Variants in FAXC observed in about 807,000 individuals in gnomAD.
FAXC encodes failed axon connections homolog, metaxin like GST domain containing.
FAXC carries 10 observed loss-of-function variants against 41.9 expected under a neutral mutation model. The observed-to-expected ratio is 0.24, with a 90% CI of 0.15 to 0.41. The LOEUF is 0.41. Among genes scored for constraint, FAXC ranks in the 10% least tolerant of loss-of-function variants. FAXC has a pLI of 1.00. For missense variants in FAXC, 399 were observed against 510.9 expected, an observed-to-expected ratio of 0.78 and a Z score of 2.11; for synonymous variants, 183 against 183.8, an observed-to-expected ratio of 1.00 and a Z score of 0.03.
chr6:99,293,017 T>A (rs1315558273), intron 4 of FAXC, among the ~76,000 whole-genome samples: 4 of 152,082 alleles, frequency 2.6e-5, no homozygotes, highest in Non-Finnish European at 4.4e-5. Context: ...ATGTTGGCCA[T>A]GCTGATCTTG....
At chr6:99,283,982 G>GAAGA (rs1770924255) in intron 5 of FAXC, 1 of 152,166 alleles carries the variant, frequency 6.6e-6, no homozygotes, top group Non-Finnish European at 1.5e-5. Flanking sequence ...CAGAAGAGGT[G>GAAGA]TCTGCTCTGT....
chr6:99,336,649 G>C (rs1222709443), intron 2 of FAXC, among the ~76,000 whole-genome samples: 1 of 152,196 alleles, frequency 6.6e-6, no homozygotes, highest in African/African-American at 2.4e-5. Context: ...ATAGGCTTTG[G>C]ATTTCAAAAT....
intron 2 of FAXC, among the ~76,000 whole-genome samples, chr6:99,334,268 A>C (rs1341129232): frequency 2.6e-5 from 4 of 152,222 alleles, no homozygotes. Flanking sequence ...TATTCTAAAG[A>C]ATAAAAGTAG....
chr6:99,321,465 A>G (rs1287880556), intron 4 of FAXC, among the ~76,000 whole-genome samples: 2 of 152,216 alleles, frequency 1.3e-5, no homozygotes, highest in African/African-American at 4.8e-5. Context: ...AAGACAAATT[A>G]TGATATTCAG....
chr6:99,326,962 G>A (rs1772834122), intron 3 of FAXC, among the ~76,000 whole-genome samples: 2 of 152,186 alleles, frequency 1.3e-5, no homozygotes, highest in African/African-American at 4.8e-5. Context: ...GCAGGGAGGA[G>A]TCTCTGCCAG....
rs780527902 is a variant in FAXC, at chr6:99,289,687, ATATGTG to A, written c.940+2011_940+2016del. 3.8e-3 allele frequency among the ~76,000 whole-genome samples: 264 copies of A among 70,016 alleles called. 1 individual carries two copies. The highest frequency in any genetic ancestry group is 0.021 in the African/African-American group (247 of 11,704). The allele number at this position is 70,016 out of a possible 152,430, so 45.9% of individuals were successfully genotyped here. ...TATGTATATGTAAATGTACATATGT[ATATGTG>A]TGTGTGTGTGTGTGTGTGTGTGTGT... On this transcript the variant is annotated intron_variant, in intron 5 of 5. Transcript: ENST00000389677.
intron 2 of FAXC, among the ~76,000 whole-genome samples, chr6:99,337,949 G>A (rs956407583): frequency 2.6e-5 from 4 of 152,122 alleles, no homozygotes; most frequent in South Asian, 4.1e-4. Flanking sequence ...GGCAAAAGAA[G>A]GGGCAAAGGG....
chr6:99,322,733 G>T (rs889859253), intron 4 of FAXC, among the ~76,000 whole-genome samples: 1 of 152,184 alleles, frequency 6.6e-6, no homozygotes, highest in Non-Finnish European at 1.5e-5. Flanking sequence ...GCTCTGCCCA[G>T]TAAAGAACCA....
chr6:99,282,060 T>TGAAATGAA (rs1182243766), intron 5 of FAXC, among the ~76,000 whole-genome samples: 1 of 152,168 alleles, frequency 6.6e-6, no homozygotes, highest in African/African-American at 2.4e-5. Flanking sequence ...GTGTGCTGAA[T>TGAAATGAA]GAAATGAAGA....
intron 2 of FAXC, among the ~76,000 whole-genome samples, chr6:99,337,978 T>C (rs926963039): frequency 6.6e-6 from 1 of 152,116 alleles, no homozygotes; most frequent in Non-Finnish European, 1.5e-5. Context: ...CCTGGGTCCA[T>C]GACAAAATAT....
At chr6:99,322,411 T>C (rs548374074) in intron 4 of FAXC, among the ~76,000 whole-genome samples, 1 of 152,274 alleles carries the variant, frequency 6.6e-6, no homozygotes, top group Admixed American at 6.5e-5. Flanking sequence ...GGCTTCCAGT[T>C]CCTAAGGCAC....
intron 4 of FAXC, among the ~76,000 whole-genome samples, chr6:99,300,898 A>G (rs540552260): frequency 9.2e-5 from 14 of 152,376 alleles, no homozygotes; most frequent in African/African-American, 2.9e-4. Context: ...ATCTTTTGAG[A>G]AAGCTGAATA....
chr6:99,271,556 T>C lies in FAXC; in HGVS notation c.*9608A>G, dbSNP rs1282948806. On this transcript the variant is annotated 3_prime_UTR_variant, in exon 6 of 6. Transcript: ENST00000389677. ...CATGACACTCAAAGGAAACGGACAT[T>C]GGATCATTTCAGATTTCCAGTTTTG... 1 of 152,196 alleles carries C rather than the reference T, an allele frequency of 6.6e-6. No homozygotes were observed. The highest frequency in any genetic ancestry group is 2.4e-5 in the African/African-American group (1 of 41,446). The allele number at this position is 152,196 out of a possible 1,614,324, so 9.4% of individuals were successfully genotyped here.
intron 4 of FAXC, among the ~76,000 whole-genome samples, chr6:99,320,006 T>C (rs980737671): frequency 3.9e-5 from 6 of 152,226 alleles, no homozygotes; most frequent in African/African-American, 1.4e-4. Context: ...ATTTCTTTCA[T>C]GTTGTACAAC....
At position 99,281,297 on chromosome 6, in the gene FAXC, C is replaced by T. The variant is rs748190926; in HGVS notation, c.1097G>A (p.Arg366Lys). 3.1e-6 allele frequency: 5 copies of T among 1,614,198 alleles called. No homozygotes were observed. The South Asian group carries it at 5.5e-5, about 18-fold the overall frequency. Residue 366 changes from arginine (R) to lysine (K), a missense_variant, in exon 6 of 6, where the codon AGG becomes AAG. Arg to Lys is a conservative substitution (Grantham distance 26). Transcript: ENST00000389677. Reference sequence around the variant, plus strand: ...TCCCTCATCTTCAAAGGTCTCTGTCCTTGAGTAAAAGCTAAAATCCAGCAG... The same window carrying T: ...TCCCTCATCTTCAAAGGTCTCTGTCTTTGAGTAAAAGCTAAAATCCAGCAG... ...TPLLDFSFYS[R>K]TETFEDEGAE...
intron 3 of FAXC, among the ~76,000 whole-genome samples, chr6:99,331,073 G>A (rs1301119354): frequency 1.3e-5 from 2 of 152,156 alleles, no homozygotes; most frequent in Non-Finnish European, 2.9e-5. Context: ...TGCTACTAGG[G>A]ACTAAATAGA....
chr6:99,303,022 T>C (rs1424919830), intron 4 of FAXC, among the ~76,000 whole-genome samples: 1 of 152,198 alleles, frequency 6.6e-6, no homozygotes, highest in Non-Finnish European at 1.5e-5. Flanking sequence ...TCTGATCTTG[T>C]TCACTTACAG....
At chr6:99,319,163 C>T (rs9402664) in intron 4 of FAXC, among the ~76,000 whole-genome samples, 7,410 of 152,040 alleles carry the variant, frequency 0.049, 540 homozygotes, top group East Asian at 0.39. Flanking sequence ...TTTGGGAGGC[C>T]GAGGCAGGCG....
chr6:99,284,838 A>T (rs1287787284), intron 5 of FAXC, among the ~76,000 whole-genome samples: 2 of 151,556 alleles, frequency 1.3e-5, no homozygotes, highest in Non-Finnish European at 2.9e-5. Flanking sequence ...CACTTGAACC[A>T]GGGAGGCAGA....
Sources: gnomAD v4.1 joint callset for allele counts (sites outside exome capture counted in the v4.1 genomes callset) on GRCh38, gnomAD v4.1.1 for gene constraint, MANE v1.5 for transcripts, NCBI Gene and HGNC (gene_info 2026-07-23, HGNC 2026-07-21) for gene names.